COL9A3: variants seen among roughly 807,000 people sequenced by gnomAD.
COL9A3 encodes the protein collagen alpha-3(IX) chain.
A neutral mutation model predicts 110.2 loss-of-function variants in COL9A3; 82 were observed. The observed-to-expected ratio is 0.74, with a 90% CI of 0.62 to 0.89. COL9A3 has a LOEUF of 0.89. Ranked by LOEUF, COL9A3 falls within the 40% of genes least tolerant of loss-of-function variation. The pLI is 0.00. For missense variants in COL9A3, 1,066 were observed against 981.3 expected (o/e 1.09, Z -1.15); for synonymous variants, 494 against 403.8 (o/e 1.22, Z -2.68).
At chr20:62,828,044 C>T (rs2063568528) in intron 17 of COL9A3, 68 bp downstream of exon 17, 2 of 1,534,996 alleles carry the variant, frequency 1.3e-6, no homozygotes, top group Non-Finnish European at 1.8e-6. Context: ...GTGGAGATGG[C>T]ATTCAGAAGG....
rs1085307683 is a variant in COL9A3, at chr20:62,840,592, G to A, written c.1915G>A (p.Gly639Ser). Reference protein sequence around the residue: ...TSKDGQDGAPGEPGPPGDPGL... With the variant: ...TSKDGQDGAPSEPGPPGDPGL... Reference sequence around the variant, plus strand: ...CAAGGACGGCCAGGACGGTGCTCCCGGCGAGCCTGGGCCTCCCGGAGATCC... The same window carrying A: ...CAAGGACGGCCAGGACGGTGCTCCCAGCGAGCCTGGGCCTCCCGGAGATCC... The change falls in exon 32 of 32, where the codon GGC becomes AGC. Residue 639 changes from glycine (G) to serine (S), a missense_variant. By Grantham distance (56) the Gly-to-Ser change is moderately conservative. Coordinates refer to ENST00000649368, the MANE Select transcript of COL9A3 (RefSeq NM_001853.4). The A allele has an allele frequency of 3.7e-6, 6 of 1,612,904 alleles. No individual in the cohort carries two copies. Among genetic ancestry groups the A allele is most frequent in the East Asian group, 4.5e-5 (2 of 44,884 alleles).
chr20:62,817,526 C>T lies in COL9A3; in HGVS notation c.79-41C>T, dbSNP rs375878783. 32 of 1,425,938 alleles carry T rather than the reference C, an allele frequency of 2.2e-5. No homozygotes were observed. The African/African-American group carries it at 4.1e-4, about 18-fold the overall frequency. The allele number at this position is 1,425,938 out of a possible 1,614,324, so 88.3% of individuals were successfully genotyped here. On this transcript the variant is annotated intron_variant, in intron 1 of 31. Coordinates refer to ENST00000649368, the MANE Select transcript of COL9A3 (RefSeq NM_001853.4). ...AGGAGGGGACGCCGGGTCAGGCCCA[C>T]GGGGGCACCTGCGCTCCTTAATGAG...
In COL9A3 at chr20:62,821,934, G is replaced by T; in HGVS notation, c.423+124G>T. 3 of 759,540 alleles carry T rather than the reference G, an allele frequency of 3.9e-6. No homozygotes were observed. The South Asian group carries it at 4.3e-5, about 11-fold the overall frequency. 47.1% of individuals were successfully genotyped at this position (759,540 alleles called of 1,614,324 possible). On this transcript the variant is annotated intron_variant, in intron 8 of 31. Coordinates refer to ENST00000649368, the MANE Select transcript of COL9A3 (RefSeq NM_001853.4). ...TTCTCCCCCAACCCCACCTTGGTGG[G>T]TGTTGGTAGAAGCCCTGGCCAATGA... is the stretch of plus-strand genomic sequence containing the variant.
intron 19 of COL9A3, 75 bp downstream of exon 19, chr20:62,829,051 T>G: frequency 1.3e-6 from 2 of 1,499,504 alleles, no homozygotes; most frequent in South Asian, 2.4e-5. Flanking sequence ...TTGGGCTGGG[T>G]GGGTTGGTCA....
Position 62,819,958 on chromosome 20 carries a change from A to G in COL9A3, c.285A>G (p.Gly95=), listed in dbSNP as rs777518709. 6.2e-7 allele frequency: 1 copy of G among 1,612,754 alleles called. No individual in the cohort carries two copies. The highest frequency in any genetic ancestry group is 1.7e-5 in the Admixed American group (1 of 59,998). ...DGLTGRDGPP[G]PKGAPGERGS... is the part of the protein sequence containing the mutation. ...TGACTGGACGAGATGGACCCCCTGG[A>G]CCCAAGGGTGCCCCTGGGGAACGGG... Residue 95 remains glycine (G), a synonymous_variant, in exon 5 of 32, where the codon GGA becomes GGG. Transcript: ENST00000649368.
rs778875975 is a variant in COL9A3 at position 62,829,447 on chromosome 20, C to T, written c.1009-8C>T. 1 of 1,612,778 alleles carries T rather than the reference C, an allele frequency of 6.2e-7. No homozygotes were observed. Among genetic ancestry groups the T allele is most frequent in the Non-Finnish European group, 8.5e-7 (1 of 1,179,918 alleles). On this transcript the variant is annotated splice_polypyrimidine_tract_variant and splice_region_variant and intron_variant, in intron 19 of 31. Transcript: ENST00000649368. ...TGGCAGCCCTGACCGCAAGCTCTCT[C>T]CTGGCAGGGCCTCCCTGGACGAGCG...
intron 11 of COL9A3, 82 bp from the exon 12 acceptor site, chr20:62,824,886 C>T (rs1600795306): frequency 1.2e-5 from 17 of 1,420,278 alleles, no homozygotes; most frequent in Non-Finnish European, 1.7e-5. Context: ...GGCTGACTGA[C>T]CCTGCAGGCC....
chr20:62,840,708 GA>G lies in COL9A3; in HGVS notation c.2034del (p.Lys678AsnfsTer87), dbSNP rs1321737793. Reference sequence around the variant, plus strand: ...GAGCCGTGTTAGGAGGGGTCGGGGAGAAATCAGGCTCTCGAAGCTCATAAAA... The same window carrying G: ...GAGCCGTGTTAGGAGGGGTCGGGGAGAATCAGGCTCTCGAAGCTCATAAAA... Reference protein sequence around the residue: ...QGAVLGGVGEKSGSRSS With the variant: ...QGAVLGGVGEXSGSRSS On this transcript the variant is annotated frameshift_variant, in exon 32 of 32. Coordinates refer to ENST00000649368, the MANE Select transcript of COL9A3 (RefSeq NM_001853.4). LOFTEE classifies it high-confidence loss of function. 6 of 1,585,886 alleles carry G rather than the reference GA, an allele frequency of 3.8e-6. No individual in the cohort carries two copies. The highest frequency in any genetic ancestry group is 5.1e-6 in the Non-Finnish European group (6 of 1,165,800).
Position 62,826,792 on chromosome 20 carries a change from C to T in COL9A3, c.764C>T (p.Pro255Leu). Residue 255 changes from proline to leucine, a missense_variant, in exon 15 of 32, where the codon CCT becomes CTT. By Grantham distance (98) the Pro-to-Leu change is moderately conservative. Transcript: ENST00000649368. ...DRGPIGFRGPPGIPGAPGKAG... is the reference protein window; with the variant it reads ...DRGPIGFRGPLGIPGAPGKAG... Reference sequence around the variant, plus strand: ...GGTCCCATTGGGTTCCGAGGGCCGCCTGGGATCCCAGGAGCGCCTGGGAAA... The same window carrying T: ...GGTCCCATTGGGTTCCGAGGGCCGCTTGGGATCCCAGGAGCGCCTGGGAAA... 1 of 1,612,844 alleles carries T rather than the reference C, an allele frequency of 6.2e-7. No homozygotes were observed. The highest frequency in any genetic ancestry group is 8.5e-7 in the Non-Finnish European group (1 of 1,179,954).
intron 2 of COL9A3, chr20:62,817,940 G>T: frequency 2.0e-6 from 1 of 488,236 alleles, no homozygotes; most frequent in South Asian, 1.9e-5. Context: ...GCTGAAGTGG[G>T]GAGAGGCACG....
intron 13 of COL9A3, 79 bp downstream of exon 13, chr20:62,825,949 C>G: frequency 6.9e-7 from 1 of 1,454,172 alleles, no homozygotes. Flanking sequence ...TATCTACCCC[C>G]GAGGGGGCCA....
At chr20:62,818,581 CT>C in intron 3 of COL9A3, 28 bp downstream of exon 3, 4 of 1,607,612 alleles carry the variant, frequency 2.5e-6, no homozygotes, top group Non-Finnish European at 2.6e-6. Flanking sequence ...GGGAGACAGC[CT>C]TTTTCCAGTC....
chr20:62,837,678 A>G (rs544313788), intron 30 of COL9A3, among the ~76,000 whole-genome samples: 13 of 152,200 alleles, frequency 8.5e-5, no homozygotes, highest in Admixed American at 7.2e-4. Context: ...ATGGTGGCAC[A>G]CGCCTGTAAT....
At chr20:62,836,561 C>T (rs564165027) in intron 29 of COL9A3, 29 bp downstream of exon 29, 86 of 1,429,714 alleles carry the variant, frequency 6.0e-5, no homozygotes, top group Admixed American at 4.0e-4. Context: ...CCGGCTGCAG[C>T]GGGGCCCATC....
At chr20:62,829,897 G>T (rs925461401) in intron 22 of COL9A3, 78 bp downstream of exon 22, 9 of 1,506,834 alleles carry the variant, frequency 6.0e-6, no homozygotes, top group Non-Finnish European at 8.0e-6. Context: ...TGAGCAGGCC[G>T]GGGTGGCATT....
chr20:62,840,423 C>T, intron 31 of COL9A3, 119 bp from the exon 32 acceptor site: 2 of 972,688 alleles, frequency 2.1e-6, no homozygotes, highest in Non-Finnish European at 3.3e-6. Flanking sequence ...CCCGCTGTGG[C>T]CTCTCCCCAA....
At chr20:62,819,402 C>T in intron 4 of COL9A3, 109 bp downstream of exon 4, 1 of 1,098,636 alleles carries the variant, frequency 9.1e-7, no homozygotes, top group Non-Finnish European at 1.4e-6. Flanking sequence ...GCGGGAAGCC[C>T]AGTCCTGAGA....
rs772906590 is a variant in COL9A3, at chr20:62,825,000, A to T, written c.609A>T (p.Glu203Asp). Residue 203 changes from glutamate (E) to aspartate (D), a missense_variant, in exon 12 of 32, where the codon GAA becomes GAT. By Grantham distance (45) the Glu-to-Asp change is conservative. Coordinates refer to ENST00000649368, the MANE Select transcript of COL9A3 (RefSeq NM_001853.4). Reference protein sequence around the residue: ...GPTGYKGEQGEVGKDGEKGDP... With the variant: ...GPTGYKGEQGDVGKDGEKGDP... ...CTGGCTACAAAGGCGAGCAGGGGGA[A>T]GTCGGCAAGGACGGCGAGAAGGTGA... The T allele has an allele frequency of 1.6e-5, 25 of 1,606,324 alleles. No individual in the cohort carries two copies. The highest frequency in any genetic ancestry group is 2.0e-5 in the Non-Finnish European group (23 of 1,176,740).
At chr20:62,835,317 T>A (rs950537011) in intron 26 of COL9A3, among the ~76,000 whole-genome samples, 1 of 152,176 alleles carries the variant, frequency 6.6e-6, no homozygotes, top group Non-Finnish European at 1.5e-5. Context: ...CCCCACTGCG[T>A]CATTCCATGG....
Sources: allele counts gnomAD v4.1 joint callset (sites outside exome capture counted in the v4.1 genomes callset), GRCh38; gene constraint gnomAD v4.1.1; transcripts MANE v1.5; gene names NCBI Gene and HGNC (gene_info 2026-07-23, HGNC 2026-07-21).